NKX2-6: variants seen among roughly 807,000 people sequenced by gnomAD.
NKX2-6 encodes homeobox protein Nkx-2.6.
Under a neutral mutation model 8.6 loss-of-function variants are expected in NKX2-6, and 8 were observed. The ratio of observed to expected loss-of-function variants is 0.93; its 90% CI spans 0.54 to 1.67. The LOEUF (loss-of-function observed/expected upper bound fraction) is 1.67, where lower values mean the gene tolerates loss of function less well. Ranked by LOEUF, NKX2-6 falls within the 40% of genes most tolerant of loss-of-function variation. The probability of loss-of-function intolerance (pLI) is 0.00; values close to 1 mark genes in which losing one functional copy is unlikely to be tolerated. For missense variants in NKX2-6, 475 were observed against 423.1 expected (o/e 1.12, Z -1.08); for synonymous variants, 210 against 199.3 (o/e 1.05, Z -0.45).
In NKX2-6 at chr8:23,702,838, G is replaced by T. The variant is rs1938543483; in HGVS notation, c.519C>A (p.Ser173=). The change falls in exon 2 of 2, where the codon TCC becomes TCA. Residue 173 remains serine (S), a synonymous_variant. Coordinates refer to ENST00000325017, the MANE Select transcript of NKX2-6 (RefSeq NM_001136271.3). Reference sequence around the variant, plus strand: ...TCTGGAACCAGATCTTGACCTGCGTGGACGTGAGCTGCAGCGCGCTGGCCA... The same window carrying T: ...TCTGGAACCAGATCTTGACCTGCGTTGACGTGAGCTGCAGCGCGCTGGCCA... ...EHLASALQLT[S]TQVKIWFQNR... 2 of 1,572,752 alleles carry T rather than the reference G, an allele frequency of 1.3e-6. No homozygotes were observed. The highest frequency in any genetic ancestry group is 2.3e-5 in the East Asian group (1 of 42,934).
At chr8:23,706,291 C>G (rs1348519019) in intron 1 of NKX2-6, 34 bp downstream of exon 1, 1 of 1,507,096 alleles carries the variant, frequency 6.6e-7, no homozygotes, top group Non-Finnish European at 8.9e-7. Context: ...CCCACATTCC[C>G]CCCGTAGGAG....
Position 23,706,436 on chromosome 8 carries a change from C to A in NKX2-6, c.163G>T (p.Val55Phe). ...CCGCCGCCGCCACCAGCGTTGTGAA[C>A]CTCTGACCCTCGCGGCTCTGCGTCC... ...RMDAEPRGSEVHNAGGGGGDR... is the reference protein window; with the variant it reads ...RMDAEPRGSEFHNAGGGGGDR... Residue 55 changes from valine (V) to phenylalanine (F), a missense_variant, in exon 1 of 2, where the codon GTT becomes TTT. Val to Phe is a conservative substitution (Grantham distance 50). Coordinates refer to ENST00000325017, the MANE Select transcript of NKX2-6 (RefSeq NM_001136271.3). 6.5e-7 allele frequency: 1 copy of A among 1,549,254 alleles called. No individual in the cohort carries two copies. The highest frequency in any genetic ancestry group is 1.7e-4 in the Middle Eastern group (1 of 5,994).
rs1179190167 is a variant in NKX2-6, at chr8:23,702,662, C to T, written c.695G>A (p.Ser232Asn). The stretch of plus-strand genomic sequence containing the variant: ...GGGCGACACTGCTGCACTGTAGGGG[C>T]TGGGGAAGGCAGGTGCGCCGGGCCC... The part of the protein sequence containing the change: ...GPGPGAPAFP[S>N]PYSAAVSPYS... The change falls in exon 2 of 2, where the codon AGC (serine) becomes AAC (asparagine). Residue 232 changes from serine to asparagine, a missense_variant. Transcript: ENST00000325017. The T allele has an allele frequency of 6.4e-7, 1 of 1,550,676 alleles. No individual in the cohort carries two copies. Among genetic ancestry groups the T allele is most frequent in the Non-Finnish European group, 8.7e-7 (1 of 1,146,550 alleles).
Position 23,702,305 on chromosome 8 carries a change from TC to T in NKX2-6, c.*145del. 1 of 893,530 alleles carries T rather than the reference TC, an allele frequency of 1.1e-6. No individual in the cohort carries two copies. 55.4% of individuals were successfully genotyped at this position (893,530 alleles called of 1,614,324 possible). A position where few individuals can be genotyped will look rare whatever the true frequency, so the allele number is the denominator to read the frequency against. The stretch of plus-strand genomic sequence containing the variant: ...TTTAACTGGGTGACTGTGGTGCAGA[TC>T]GCAGTTTCAGAGATCCCTCCGGAAA... On this transcript the variant is annotated 3_prime_UTR_variant, in exon 2 of 2. Coordinates refer to ENST00000325017, the MANE Select transcript of NKX2-6 (RefSeq NM_001136271.3).
chr8:23,705,490 G>A (rs1247256842), intron 1 of NKX2-6, among the ~76,000 whole-genome samples: 3 of 152,178 alleles, frequency 2.0e-5, no homozygotes, highest in Non-Finnish European at 4.4e-5. Context: ...TCATCCCTTG[G>A]AATATCGGGC....
At position 23,706,388 on chromosome 8, in the gene NKX2-6, C is replaced by G; in HGVS notation, c.211G>C (p.Glu71Gln). ...GGGDRKLDGS[E>Q]PPGGPCEAVL... is the part of the protein sequence containing the mutation. ...GCCTCACAGGGACCCCCAGGAGGCT[C>G]CGAACCATCCAGCTTTCTGTCACCG... Residue 71 changes from glutamate (E) to glutamine (Q), a missense_variant, in exon 1 of 2, where the codon GAG becomes CAG. Physicochemically the swap from Glu to Gln is conservative, Grantham distance 29. Transcript: ENST00000325017. 2 of 1,551,484 alleles carry G rather than the reference C, an allele frequency of 1.3e-6. No homozygotes were observed. The highest frequency in any genetic ancestry group is 8.7e-7 in the Non-Finnish European group (1 of 1,147,002).
At position 23,702,526 on chromosome 8, in the gene NKX2-6, G is replaced by A. The variant is rs1801019993; in HGVS notation, c.831C>T (p.Gly277=). ...TGGCATTCTGGCCACCGTGTCCGAA[G>A]CCCGCGCTGGCCAGTGGTGTGTGTG... ...PAPHTPLASA[G]FGHGGQNATP... The change falls in exon 2 of 2, where the codon GGC becomes GGT. Residue 277 remains glycine (G), a synonymous_variant. Transcript: ENST00000325017. 6.5e-7 allele frequency: 1 copy of A among 1,537,654 alleles called. No individual in the cohort carries two copies. The highest frequency in any genetic ancestry group is 1.4e-5 in the African/African-American group (1 of 72,878).
At chr8:23,706,289 C>T (rs1031446795) in intron 1 of NKX2-6, 36 bp downstream of exon 1, 13 of 1,474,540 alleles carry the variant, frequency 8.8e-6, no homozygotes, top group African/African-American at 1.4e-5. Flanking sequence ...CCCCCACATT[C>T]CCCCCGTAGG....
intron 1 of NKX2-6, 137 bp from the exon 2 acceptor site, chr8:23,703,219 C>T: frequency 9.5e-7 from 1 of 1,049,238 alleles, no homozygotes; most frequent in East Asian, 2.8e-5. Context: ...TGCCCCCGAA[C>T]CCTGTCCCAG....
intron 1 of NKX2-6, among the ~76,000 whole-genome samples, chr8:23,706,077 G>A (rs756310120): frequency 7.9e-5 from 12 of 152,184 alleles, no homozygotes; most frequent in Non-Finnish European, 1.3e-4. Flanking sequence ...GGAATCAGAG[G>A]AGCGGATTTG....
chr8:23,705,588 G>C (rs1030655704), intron 1 of NKX2-6, among the ~76,000 whole-genome samples: 1 of 152,244 alleles, frequency 6.6e-6, no homozygotes, highest in African/African-American at 2.4e-5. Flanking sequence ...CTTCCAGCGG[G>C]CTGGACACAG....
intron 1 of NKX2-6, among the ~76,000 whole-genome samples, chr8:23,704,422 C>T (rs2117597450): frequency 6.6e-6 from 1 of 152,266 alleles, no homozygotes; most frequent in Admixed American, 6.5e-5. Flanking sequence ...TCTCTCCTGT[C>T]TGGGCTTAAA....
Position 23,702,736 on chromosome 8 carries a change from T to G in NKX2-6, c.621A>C (p.Arg207=). 1 of 1,551,782 alleles carries G rather than the reference T, an allele frequency of 6.4e-7. No homozygotes were observed. The highest frequency in any genetic ancestry group is 8.7e-7 in the Non-Finnish European group (1 of 1,147,012). ...ELAGHPLTPR[R]VAVPVLVRDG... is the part of the protein sequence containing the mutation. ...CGCGCACCAGGACGGGCACAGCTAC[T>G]CGGCGCGGCGTTAGAGGGTGGCCAG... is the stretch of plus-strand genomic sequence containing the variant. The change falls in exon 2 of 2, where the codon CGA becomes CGC. Residue 207 remains arginine, a synonymous_variant. Transcript: ENST00000325017.
At chr8:23,703,726 A>C (rs75058692) in intron 1 of NKX2-6, among the ~76,000 whole-genome samples, 4 of 64,346 alleles carry the variant, frequency 6.2e-5, no homozygotes, top group Middle Eastern at 0.011. Context: ...ACAAACAAAC[A>C]AAAAAAAAAC....
Position 23,706,349 on chromosome 8 carries a change from C to A in NKX2-6, c.250G>T (p.Asp84Tyr). ...GGPCEAVLEM[D>Y]AERMGEPQPG... The stretch of plus-strand genomic sequence containing the variant: ...CGTGGCTCCCCCATCCGTTCCGCGT[C>A]CATCTCCAAGACTGCCTCACAGGGA... The change falls in exon 1 of 2, where the codon GAC (aspartate) becomes TAC (tyrosine). Residue 84 changes from aspartate (D) to tyrosine (Y), a missense_variant. Asp to Tyr is a radical substitution (Grantham distance 160). Transcript: ENST00000325017. 2 of 1,550,416 alleles carry A rather than the reference C, an allele frequency of 1.3e-6. No homozygotes were observed. Among genetic ancestry groups the A allele is most frequent in the Non-Finnish European group, 1.7e-6 (2 of 1,146,048 alleles).
rs1291595851 is a variant in NKX2-6 at position 23,706,491 on chromosome 8, C to G, written c.108G>C (p.Lys36Asn). The change falls in exon 1 of 2, where the codon AAG becomes AAC. Residue 36 changes from lysine (K) to asparagine (N), a missense_variant. Coordinates refer to ENST00000325017, the MANE Select transcript of NKX2-6 (RefSeq NM_001136271.3). ...TCAGGTACTGAAAGTTTTCCGGGCT[C>G]TTCCGCACCCGCGGATGTGGCGAAG... ...PAASPHPRVR[K>N]SPENFQYLRM... The G allele has an allele frequency of 6.5e-7, 1 of 1,539,902 alleles. No homozygotes were observed.
At position 23,706,540 on chromosome 8, in the gene NKX2-6, T is replaced by C. The variant is rs1801095386; in HGVS notation, c.59A>G (p.Glu20Gly). The C allele has an allele frequency of 1.3e-6, 2 of 1,536,682 alleles. No individual in the cohort carries two copies. The highest frequency in any genetic ancestry group is 1.4e-5 in the African/African-American group (1 of 73,048). ...AGCCGCGGGGCAGCTCCGCTCGCGC[T>C]CCAGTCGCAGGATGTCCTTGACCGA... ...PFSVKDILRL[E>G]RERSCPAASP... The change falls in exon 1 of 2, where the codon GAG becomes GGG. Residue 20 changes from glutamate to glycine, a missense_variant. Physicochemically the swap from Glu to Gly is moderately conservative, Grantham distance 98. Transcript: ENST00000325017.
In NKX2-6 at chr8:23,702,574, C is replaced by A; in HGVS notation, c.783G>T (p.Ala261=). The A allele has an allele frequency of 6.5e-7, 1 of 1,544,540 alleles. No individual in the cohort carries two copies. The highest frequency in any genetic ancestry group is 8.7e-7 in the Non-Finnish European group (1 of 1,146,284). ...GTGGCGCAGGACCCGAGGGCGCGCC[C>A]GCGTAGCAGGTGCCGTAGCCTGCGC... ...PYGAGYGTCY[A]GAPSGPAPHT... is the part of the protein sequence containing the mutation. The change falls in exon 2 of 2, where the codon GCG becomes GCT. Residue 261 remains alanine, a synonymous_variant. Coordinates refer to ENST00000325017, the MANE Select transcript of NKX2-6 (RefSeq NM_001136271.3).
At chr8:23,703,191 G>T in intron 1 of NKX2-6, 109 bp from the exon 2 acceptor site, 1 of 1,303,178 alleles carries the variant, frequency 7.7e-7, no homozygotes, top group South Asian at 1.5e-5. Context: ...CTCTGCGCAG[G>T]CTCCTCCTCC....
Sources: allele counts gnomAD v4.1 joint callset (sites outside exome capture counted in the v4.1 genomes callset), GRCh38; gene constraint gnomAD v4.1.1; transcripts MANE v1.5; gene names NCBI Gene and HGNC (gene_info 2026-07-23, HGNC 2026-07-21).